PPFIA2: variants seen among roughly 807,000 people sequenced by gnomAD.
PPFIA2 encodes liprin-alpha-2.
Under a neutral mutation model 175.5 loss-of-function variants are expected in PPFIA2, and 46 were observed. That is an observed-to-expected ratio of 0.26 (90% CI 0.21 to 0.34). PPFIA2 has a LOEUF of 0.34. PPFIA2 is among the 10% of genes least tolerant of loss of function. The probability of loss-of-function intolerance (pLI) is 1.00; values close to 1 mark genes in which losing one functional copy is unlikely to be tolerated. For missense variants in PPFIA2, 1,179 were observed against 1,506.1 expected (o/e 0.78, Z 3.60); for synonymous variants, 568 against 511.4 (o/e 1.11, Z -1.49).
chr12:81,671,161 G>A (rs1000993031), intron 4 of PPFIA2, among the ~76,000 whole-genome samples: 9 of 151,550 alleles, frequency 5.9e-5, no homozygotes, highest in Non-Finnish European at 7.4e-5. Context: ...GCTCTATCTC[G>A]TTGGTTTCTT....
rs1379849253 is a variant in PPFIA2 at position 81,642,774 on chromosome 12, A to G, written c.303+34017T>C. On this transcript the variant is annotated intron_variant, in intron 4 of 32. Coordinates refer to ENST00000549396, the MANE Select transcript of PPFIA2 (RefSeq NM_003625.5). ...TATATACATACATGTATATGTATGTATGTATTATATACATACATGTATATG... is the reference window on the plus strand; with the variant it reads ...TATATACATACATGTATATGTATGTGTGTATTATATACATACATGTATATG... 2.2e-5 allele frequency among the ~76,000 whole-genome samples: 2 copies of G among 89,632 alleles called. 1 individual carries two copies. The highest frequency in any genetic ancestry group is 2.3e-4 in the Admixed American group (2 of 8,564). 58.8% of individuals were successfully genotyped at this position (89,632 alleles called of 152,430 possible).
At chr12:81,338,805 T>C (rs1348905446) in intron 21 of PPFIA2, among the ~76,000 whole-genome samples, 1 of 152,124 alleles carries the variant, frequency 6.6e-6, no homozygotes, top group Non-Finnish European at 1.5e-5. Flanking sequence ...TTTGAAACAT[T>C]GGCACCACGA....
chr12:81,366,511 T>C (rs910084966), intron 14 of PPFIA2, among the ~76,000 whole-genome samples: 41 of 151,764 alleles, frequency 2.7e-4, no homozygotes, highest in African/African-American at 9.9e-4. Flanking sequence ...GAAGTCTTCT[T>C]CACAGCAGCA....
At chr12:81,398,590 C>G (rs1317484838) in intron 8 of PPFIA2, among the ~76,000 whole-genome samples, 1 of 152,022 alleles carries the variant, frequency 6.6e-6, no homozygotes, top group Non-Finnish European at 1.5e-5. Flanking sequence ...GTTGTTGTTA[C>G]AGAGATCAAA....
intron 4 of PPFIA2, among the ~76,000 whole-genome samples, chr12:81,476,022 G>C (rs1023473778): frequency 6.6e-6 from 1 of 152,116 alleles, no homozygotes; most frequent in African/African-American, 2.4e-5. Context: ...TTATATTAAT[G>C]GTCAAACTGA....
In PPFIA2 at chr12:81,439,173, C is replaced by T. The variant is rs1301254043; in HGVS notation, c.645+799G>A. On this transcript the variant is annotated intron_variant, in intron 7 of 32. Transcript: ENST00000549396. The stretch of plus-strand genomic sequence containing the variant: ...TCTCTCTCTCTCTCTCTCCCTCTCT[C>T]TCTCTCTCTCTCTATATATATATAT... 4.1e-4 allele frequency among the ~76,000 whole-genome samples: 61 copies of T among 149,846 alleles called. 2 individuals are homozygous for T. In the East Asian group the frequency reaches 0.01, roughly 25 times the overall value.
chr12:81,307,457 C>A (rs1045893319), intron 22 of PPFIA2, among the ~76,000 whole-genome samples: 4 of 152,150 alleles, frequency 2.6e-5, no homozygotes, highest in African/African-American at 9.7e-5. Context: ...TCCAACTGTT[C>A]ATTGCATCTC....
rs78649595 is a variant in PPFIA2 at position 81,504,239 on chromosome 12, T to C, written c.304-46373A>G. On this transcript the variant is annotated intron_variant, in intron 4 of 32. Coordinates refer to ENST00000549396, the MANE Select transcript of PPFIA2 (RefSeq NM_003625.5). ...ATAGAATGGGATAAAATTTTTGCAA[T>C]CTATCCATCTGACAAACGGCTAATA... Among the ~76,000 whole-genome samples, 297 of 152,172 alleles carry C rather than the reference T, an allele frequency of 2.0e-3. 10 individuals are homozygous for C. In the South Asian group the frequency reaches 0.054, roughly 28 times the overall value.
intron 4 of PPFIA2, among the ~76,000 whole-genome samples, chr12:81,569,937 C>A (rs1179724210): frequency 6.6e-6 from 1 of 152,128 alleles, no homozygotes; most frequent in Non-Finnish European, 1.5e-5. Context: ...AAACTATCCA[C>A]AATTTAAACC....
chr12:81,284,757 T>C (rs556645842), intron 24 of PPFIA2, among the ~76,000 whole-genome samples: 1 of 152,098 alleles, frequency 6.6e-6, no homozygotes, highest in Admixed American at 6.6e-5. Context: ...ATTCTCGATA[T>C]CCTTTGAAGG....
intron 4 of PPFIA2, among the ~76,000 whole-genome samples, chr12:81,510,683 A>G (rs2061676583): frequency 6.6e-6 from 1 of 152,090 alleles, no homozygotes. Context: ...AACCCGTGGA[A>G]TTTCTGATTT....
intron 5 of PPFIA2, among the ~76,000 whole-genome samples, chr12:81,450,662 T>C (rs1438703441): frequency 1.3e-5 from 2 of 152,192 alleles, no homozygotes; most frequent in African/African-American, 2.4e-5. Context: ...CATTTGTCAA[T>C]TTTGGCTTTT....
chr12:81,448,629 G>A (rs764067068), intron 5 of PPFIA2, among the ~76,000 whole-genome samples: 4 of 152,104 alleles, frequency 2.6e-5, no homozygotes, highest in Non-Finnish European at 5.9e-5. Context: ...TAGCTTCATT[G>A]GCTGCCTTGC....
At chr12:81,337,198 T>C (rs781240423) in intron 21 of PPFIA2, among the ~76,000 whole-genome samples, 1 of 152,208 alleles carries the variant, frequency 6.6e-6, no homozygotes, top group Non-Finnish European at 1.5e-5. Context: ...ACCATTTATG[T>C]AGCTTCTACC....
chr12:81,680,231 T>C (rs1380750025), intron 3 of PPFIA2, among the ~76,000 whole-genome samples: 1 of 152,026 alleles, frequency 6.6e-6, no homozygotes, highest in Non-Finnish European at 1.5e-5. Context: ...TCATCATTTG[T>C]ATCTAATAGA....
intron 3 of PPFIA2, among the ~76,000 whole-genome samples, chr12:81,741,893 A>T (rs533856524): frequency 1.3e-5 from 2 of 152,264 alleles, no homozygotes; most frequent in South Asian, 4.1e-4. Context: ...AGGAAGAGGG[A>T]TGTAATAATT....
At chr12:81,529,298 G>C (rs561775922) in intron 4 of PPFIA2, among the ~76,000 whole-genome samples, 5 of 152,076 alleles carry the variant, frequency 3.3e-5, no homozygotes, top group African/African-American at 1.2e-4. Flanking sequence ...GATTTCTATA[G>C]TCAATCAAAA....
intron 8 of PPFIA2, among the ~76,000 whole-genome samples, chr12:81,395,695 A>G (rs1160696386): frequency 6.6e-6 from 1 of 152,060 alleles, no homozygotes; most frequent in Non-Finnish European, 1.5e-5. Flanking sequence ...CGTCATGCCA[A>G]GACAGATTTA....
chr12:81,537,705 A>G (rs2065610971), intron 4 of PPFIA2, among the ~76,000 whole-genome samples: 1 of 151,854 alleles, frequency 6.6e-6, no homozygotes, highest in Non-Finnish European at 1.5e-5. Flanking sequence ...CCTTCTTCCT[A>G]TTAGACTGTT....
Sources: gnomAD v4.1 joint callset for allele counts (sites outside exome capture counted in the v4.1 genomes callset) on GRCh38, gnomAD v4.1.1 for gene constraint, MANE v1.5 for transcripts, NCBI Gene and HGNC (gene_info 2026-07-23, HGNC 2026-07-21) for gene names.